Variants in CTNND2 observed in about 807,000 individuals in gnomAD.
CTNND2 encodes the protein catenin delta 2, also known as catenin delta-2.
CTNND2 carries 22 observed loss-of-function variants against 144.4 expected under a neutral mutation model. That is an observed-to-expected ratio of 0.15 (90% CI 0.11 to 0.22). The LOEUF is 0.22. Ranked by LOEUF, CTNND2 falls within the 10% of genes least tolerant of loss-of-function variation. The pLI is 1.00. For synonymous variants in CTNND2, 751 were observed against 695.6 expected, an observed-to-expected ratio of 1.08 and a Z score of -1.25; for missense variants, 1,353 against 1,618.8, an observed-to-expected ratio of 0.84 and a Z score of 2.82.
chr5:11,126,582 A>T (rs977172531), intron 12 of CTNND2, among the ~76,000 whole-genome samples: 3 of 152,186 alleles, frequency 2.0e-5, no homozygotes, highest in African/African-American at 7.2e-5. Context: ...TGACCTTTAG[A>T]AGGTCACCGT....
intron 12 of CTNND2, among the ~76,000 whole-genome samples, chr5:11,129,271 A>C (rs1305123461): frequency 1.6e-5 from 1 of 62,044 alleles, no homozygotes; most frequent in African/African-American, 5.2e-5. Context: ...AAATATATAA[A>C]TATATATTAT....
chr5:11,836,543 A>C (rs1333815945), intron 1 of CTNND2, among the ~76,000 whole-genome samples: 1 of 152,146 alleles, frequency 6.6e-6, no homozygotes, highest in Non-Finnish European at 1.5e-5. Flanking sequence ...TACCAAAAAA[A>C]AAAAAAGATT....
At chr5:11,303,233 T>C (rs1156279643) in intron 9 of CTNND2, among the ~76,000 whole-genome samples, 2 of 152,232 alleles carry the variant, frequency 1.3e-5, no homozygotes, top group African/African-American at 4.8e-5. Flanking sequence ...AAATTCAGTC[T>C]CTGATGAGAA....
intron 16 of CTNND2, among the ~76,000 whole-genome samples, chr5:11,035,891 A>T (rs956016475): frequency 6.6e-6 from 1 of 151,150 alleles, no homozygotes; most frequent in African/African-American, 2.4e-5. Flanking sequence ...ACAGTCTTTT[A>T]TAAAGTTTGT....
chr5:11,903,294 C>A lies in CTNND2; in HGVS notation c.37+523G>T. The A allele has an allele frequency of 5.1e-6, 5 of 985,726 alleles. No individual in the cohort carries two copies. The highest frequency in any genetic ancestry group is 6.0e-6 in the Non-Finnish European group (5 of 830,184). 61.1% of individuals were successfully genotyped at this position (985,726 alleles called of 1,614,324 possible). A position where few individuals can be genotyped will look rare whatever the true frequency, so the allele number is the denominator to read the frequency against. On this transcript the variant is annotated intron_variant, in intron 1 of 21. Coordinates refer to ENST00000304623, the MANE Select transcript of CTNND2 (RefSeq NM_001332.4). The surrounding 1 kb of genome is among the most constrained non-coding windows in gnomAD (Gnocchi z 5.4). ...AGCCGCTAAATATAGACCAAGGGGG[C>A]TCAGGGTCTGGCAAGCCGCGGGAGC...
At chr5:11,757,862 T>C (rs937126747) in intron 1 of CTNND2, among the ~76,000 whole-genome samples, 18 of 152,056 alleles carry the variant, frequency 1.2e-4, no homozygotes, top group Non-Finnish European at 2.1e-4. Context: ...TTACATCCAA[T>C]GTAAAAAGTC....
At chr5:11,669,571 C>A (rs1211278365) in intron 2 of CTNND2, among the ~76,000 whole-genome samples, 1 of 152,100 alleles carries the variant, frequency 6.6e-6, no homozygotes, top group Non-Finnish European at 1.5e-5. Context: ...TAATACTATT[C>A]TCTGATGGTA....
intron 8 of CTNND2, among the ~76,000 whole-genome samples, chr5:11,362,056 T>C (rs1035083587): frequency 2.0e-5 from 3 of 152,178 alleles, no homozygotes; most frequent in African/African-American, 7.2e-5. Context: ...TTCAGGCTGG[T>C]AGGCCTCATA....
At chr5:11,117,394 A>T in intron 13 of CTNND2, 56 bp downstream of exon 13, 1 of 1,332,774 alleles carries the variant, frequency 7.5e-7, no homozygotes, top group East Asian at 2.3e-5. Flanking sequence ...GCTATTGTTG[A>T]GTCCCGTGGG....
At chr5:11,847,502 T>C (rs959478333) in intron 1 of CTNND2, among the ~76,000 whole-genome samples, 10 of 151,724 alleles carry the variant, frequency 6.6e-5, no homozygotes, top group African/African-American at 9.7e-5. Flanking sequence ...AGGCAGGTAA[T>C]AGGACAGTTT....
At chr5:11,532,610 C>G (rs1330855969) in intron 3 of CTNND2, among the ~76,000 whole-genome samples, 1 of 152,156 alleles carries the variant, frequency 6.6e-6, no homozygotes, top group Non-Finnish European at 1.5e-5. Flanking sequence ...TCGGGCAACT[C>G]ACCAACTAAG....
chr5:11,023,817 T>C lies in CTNND2; in HGVS notation c.2789-838A>G, dbSNP rs925335568. ...ACATATTTATGGAGTACTTTTAGTT[T>C]ACAAAGCACTTTAGGCATTACCAAT... On this transcript the variant is annotated intron_variant, in intron 16 of 21. Transcript: ENST00000304623. 4.6e-5 allele frequency among the ~76,000 whole-genome samples: 7 copies of C among 152,256 alleles called. No individual in the cohort carries two copies. In the South Asian group the frequency reaches 6.2e-4, roughly 14 times the overall value.
intron 2 of CTNND2, among the ~76,000 whole-genome samples, chr5:11,700,474 G>A (rs1209718192): frequency 1.3e-5 from 2 of 152,312 alleles, no homozygotes; most frequent in East Asian, 3.9e-4. Flanking sequence ...ACAATTTGCT[G>A]TGGGATCAAT....
chr5:11,902,572 G>T (rs186343667), intron 1 of CTNND2, among the ~76,000 whole-genome samples: 2 of 152,202 alleles, frequency 1.3e-5, no homozygotes, highest in East Asian at 1.9e-4. Flanking sequence ...TTGTTTTCAT[G>T]GAAGTCACTG....
At chr5:11,675,270 A>T (rs1784112523) in intron 2 of CTNND2, among the ~76,000 whole-genome samples, 1 of 152,210 alleles carries the variant, frequency 6.6e-6, no homozygotes, top group African/African-American at 2.4e-5. Flanking sequence ...CACTTTCCAT[A>T]GCACCAGCCC....
intron 1 of CTNND2, among the ~76,000 whole-genome samples, chr5:11,858,657 C>T (rs745453508): frequency 1.3e-5 from 2 of 152,146 alleles, no homozygotes; most frequent in Non-Finnish European, 1.5e-5. Flanking sequence ...AGGCTGGGCA[C>T]GGTGGCTCAC....
chr5:11,394,776 G>A (rs190689031), intron 6 of CTNND2, among the ~76,000 whole-genome samples: 5 of 152,234 alleles, frequency 3.3e-5, no homozygotes, highest in African/African-American at 4.8e-5. Flanking sequence ...CATTTATTAC[G>A]CTGAATAGAG....
At chr5:11,304,713 A>G (rs530286814) in intron 9 of CTNND2, among the ~76,000 whole-genome samples, 130 of 152,058 alleles carry the variant, frequency 8.5e-4, no homozygotes, top group Non-Finnish European at 1.9e-4. Context: ...TCTTCCAACC[A>G]CCTTGTCCTG....
intron 3 of CTNND2, among the ~76,000 whole-genome samples, chr5:11,537,479 A>C (rs1774323757): frequency 6.6e-6 from 1 of 152,188 alleles, no homozygotes; most frequent in Admixed American, 6.6e-5. Context: ...TACATCGTTC[A>C]ACTCATAGTT....
Sources: gnomAD v4.1 joint callset for allele counts (sites outside exome capture counted in the v4.1 genomes callset) on GRCh38, gnomAD v4.1.1 for gene constraint, Gnocchi (gnomAD v3.1) non-coding constraint, MANE v1.5 for transcripts, NCBI Gene and HGNC (gene_info 2026-07-23, HGNC 2026-07-21) for gene names.